Variants in PABPC4L observed in about 807,000 individuals in gnomAD.
The protein encoded by PABPC4L is poly(A) binding protein cytoplasmic 4 like.
For synonymous variants in PABPC4L, 169 were observed against 164.1 expected, an observed-to-expected ratio of 1.03 and a Z score of -0.23; for missense variants, 452 against 451.4, an observed-to-expected ratio of 1.00 and a Z score of -0.01.
the PABPC4L span, among the ~76,000 whole-genome samples, chr4:134,142,736 GTT>G: frequency 6.6e-6 from 1 of 151,406 alleles, no homozygotes; most frequent in African/African-American, 2.4e-5. Flanking sequence ...GGAATTTAGT[GTT>G]TCTAATATGA....
At chr4:133,982,099 C>T in the PABPC4L span, among the ~76,000 whole-genome samples, 3 of 151,894 alleles carry the variant, frequency 2.0e-5, no homozygotes, top group South Asian at 6.2e-4. Context: ...CATCAAAAAC[C>T]TTGTAAAATA....
At chr4:134,191,999 A>G (rs1729524079), downstream of PABPC4L, among the ~76,000 whole-genome samples, 1 of 152,154 alleles carries the variant, frequency 6.6e-6, no homozygotes, top group African/African-American at 2.4e-5. Flanking sequence ...AATGACAATG[A>G]GAAACTGTCT....
chr4:134,035,924 T>C, the PABPC4L span, among the ~76,000 whole-genome samples: 1 of 152,028 alleles, frequency 6.6e-6, no homozygotes, highest in African/African-American at 2.4e-5. Flanking sequence ...TATGGCCTTA[T>C]AAAGAGTCCC....
the PABPC4L span, among the ~76,000 whole-genome samples, chr4:134,179,644 T>C: frequency 6.6e-6 from 1 of 152,092 alleles, no homozygotes; most frequent in African/African-American, 2.4e-5. Flanking sequence ...AGTAGCACCA[T>C]CTCACATGCA....
the PABPC4L span, among the ~76,000 whole-genome samples, chr4:133,996,704 C>T: frequency 2.6e-4 from 40 of 152,200 alleles, no homozygotes; most frequent in Non-Finnish European, 4.6e-4. Context: ...AAGAAGTATG[C>T]CGACACAGGT....
At chr4:133,987,736 G>T in the PABPC4L span, among the ~76,000 whole-genome samples, 1 of 152,118 alleles carries the variant, frequency 6.6e-6, no homozygotes, top group Admixed American at 6.5e-5. Flanking sequence ...ACTTCAAATT[G>T]TAAAGTGTTG....
At chr4:133,958,894 T>C in the PABPC4L span, among the ~76,000 whole-genome samples, 1 of 152,146 alleles carries the variant, frequency 6.6e-6, no homozygotes, top group African/African-American at 2.4e-5. Context: ...CAGATAGCAA[T>C]GCAGAGAAGA....
the PABPC4L span, among the ~76,000 whole-genome samples, chr4:134,057,387 T>C: frequency 2.6e-5 from 4 of 152,072 alleles, no homozygotes; most frequent in Admixed American, 2.6e-4. Context: ...GAGGGAGTGG[T>C]GATGGCCTCG....
the PABPC4L span, among the ~76,000 whole-genome samples, chr4:134,019,700 A>G: frequency 6.6e-6 from 1 of 152,268 alleles, no homozygotes; most frequent in South Asian, 2.1e-4. Context: ...TCTGGTTTGT[A>G]TTATGCTAAT....
chr4:134,036,598 T>C, the PABPC4L span, among the ~76,000 whole-genome samples: 1 of 152,222 alleles, frequency 6.6e-6, no homozygotes, highest in Non-Finnish European at 1.5e-5. Flanking sequence ...TAGGTTTTAA[T>C]CTCCATTTTA....
chr4:134,009,807 A>C, the PABPC4L span, among the ~76,000 whole-genome samples: 1 of 152,056 alleles, frequency 6.6e-6, no homozygotes, highest in Non-Finnish European at 1.5e-5. Flanking sequence ...GAGGGAATTT[A>C]GGGACAGTGG....
the PABPC4L span, among the ~76,000 whole-genome samples, chr4:134,094,470 G>C: frequency 1.3e-5 from 2 of 151,916 alleles, no homozygotes; most frequent in African/African-American, 4.8e-5. Flanking sequence ...AAAATTCCAA[G>C]TAATATAGCA....
chr4:134,168,108 C>A, the PABPC4L span, among the ~76,000 whole-genome samples: 1 of 151,870 alleles, frequency 6.6e-6, no homozygotes, highest in Non-Finnish European at 1.5e-5. Context: ...AACTAGAAAT[C>A]AATAACAAGA....
chr4:134,088,751 G>A, the PABPC4L span, among the ~76,000 whole-genome samples: 1 of 151,940 alleles, frequency 6.6e-6, no homozygotes, highest in Non-Finnish European at 1.5e-5. Flanking sequence ...CCAGAACTGT[G>A]AAAAAGTAAA....
the PABPC4L span, among the ~76,000 whole-genome samples, chr4:133,966,513 T>C: frequency 6.6e-6 from 1 of 152,312 alleles, no homozygotes; most frequent in East Asian, 1.9e-4. Flanking sequence ...CACATATGTT[T>C]ATAGCAGCAC....
At chr4:134,113,918 A>G in the PABPC4L span, among the ~76,000 whole-genome samples, 3,951 of 151,930 alleles carry the variant, frequency 0.026, 152 homozygotes, top group African/African-American at 0.089. Context: ...AGGAATGTAA[A>G]TAAGGCAACA....
chr4:134,134,913 G>T, the PABPC4L span, among the ~76,000 whole-genome samples: 1 of 151,778 alleles, frequency 6.6e-6, no homozygotes, highest in East Asian at 1.9e-4. Flanking sequence ...AAATTCAAGG[G>T]CAGAACTTGG....
At chr4:134,086,172 G>GT in the PABPC4L span, among the ~76,000 whole-genome samples, 330 of 147,330 alleles carry the variant, frequency 2.2e-3, 2 homozygotes, top group East Asian at 0.022. Context: ...AAGAAGTTGG[G>GT]TTTTTTTTTT....
the PABPC4L span, among the ~76,000 whole-genome samples, chr4:134,133,559 T>A: frequency 2.0e-5 from 3 of 151,148 alleles, no homozygotes; most frequent in African/African-American, 7.3e-5. Flanking sequence ...CAGACTGTTA[T>A]TTTAAGCAAA....
Sources: gnomAD v4.1 joint callset for allele counts (sites outside exome capture counted in the v4.1 genomes callset) on GRCh38, gnomAD v4.1.1 for gene constraint, MANE v1.5 for transcripts, NCBI Gene and HGNC (gene_info 2026-07-23, HGNC 2026-07-21) for gene names.